The following MRPL1 variants were observed in gnomAD, a reference collection of about 807,000 sequenced individuals.
The protein encoded by MRPL1 is mitochondrial ribosomal protein L1.
Under a neutral mutation model 38.0 loss-of-function variants are expected in MRPL1, and 28 were observed. The ratio of observed to expected loss-of-function variants is 0.74; its 90% confidence interval spans 0.55 to 1.01. The LOEUF is 1.01. Among genes scored for constraint, MRPL1 ranks in the 50% least tolerant of loss-of-function variants. MRPL1 has a pLI of 0.00. For missense variants in MRPL1, 358 were observed against 389.8 expected, an observed-to-expected ratio of 0.92 and a Z score of 0.69; for synonymous variants, 123 against 126.7, an observed-to-expected ratio of 0.97 and a Z score of 0.20.
In MRPL1 at chr4:77,883,221, TC is replaced by T. The variant is rs746202318; in HGVS notation, c.144-20del. The T allele has an allele frequency of 1.4e-6, 2 of 1,472,744 alleles. No individual in the cohort carries two copies. Among genetic ancestry groups the T allele is most frequent in the Admixed American group, 2.3e-5 (1 of 43,230 alleles). 91.2% of individuals were successfully genotyped at this position (1,472,744 alleles called of 1,614,324 possible). ...CTCTTAGGATATATATTGATATAAC[TC>T]AACTTTATTTTCTTTTAAGGTCTGC... On this transcript the variant is annotated intron_variant, in intron 2 of 8. Coordinates refer to ENST00000315567, the MANE Select transcript of MRPL1 (RefSeq NM_020236.4).
chr4:77,887,393 T>C, intron 5 of MRPL1, 102 bp downstream of exon 5: 1 of 997,614 alleles, frequency 1.0e-6, no homozygotes, highest in Non-Finnish European at 1.5e-6. Flanking sequence ...TATCTTATGA[T>C]AAATAGTTAA....
intron 7 of MRPL1, among the ~76,000 whole-genome samples, chr4:77,922,882 G>T (rs1736611431): frequency 6.6e-6 from 1 of 152,204 alleles, no homozygotes; most frequent in Non-Finnish European, 1.5e-5. Context: ...ATGGAACTGT[G>T]TAATAGGTCA....
At position 77,952,603 on chromosome 4, in the gene MRPL1, C is replaced by A; in HGVS notation, c.974C>A (p.Ala325Asp). ...AATGAAGAAAGTGAAAAAGAAGATG[C>A]CTAAATGTGGTGAATTGTGAAATTA... ...VKNEESEKED[A>D] Residue 325 changes from alanine to aspartate, a missense_variant, in exon 9 of 9, where the codon GCC (alanine) becomes GAC (aspartate). Coordinates refer to ENST00000315567, the MANE Select transcript of MRPL1 (RefSeq NM_020236.4). The A allele has an allele frequency of 6.3e-7, 1 of 1,575,616 alleles. No homozygotes were observed. Among genetic ancestry groups the A allele is most frequent in the Non-Finnish European group, 8.7e-7 (1 of 1,147,178 alleles).
rs1056613469 is a variant in MRPL1, at chr4:77,907,299, T to C, written c.671-1967T>C. 7 of 481,308 alleles carry C rather than the reference T, an allele frequency of 1.5e-5. No homozygotes were observed. The African/African-American group carries it at 1.5e-4, about 10-fold the overall frequency. 29.8% of individuals were successfully genotyped at this position (481,308 alleles called of 1,614,324 possible). A position where few individuals can be genotyped will look rare whatever the true frequency, so the allele number is the denominator to read the frequency against. ...TGACTAAATCTTAGGAGAGAAATAG[T>C]TTATTTTGTAGTCTCCTGTATGATC... On this transcript the variant is annotated intron_variant, in intron 6 of 8. Transcript: ENST00000315567.
intron 1 of MRPL1, among the ~76,000 whole-genome samples, chr4:77,863,692 C>G (rs892306900): frequency 1.2e-4 from 19 of 152,086 alleles, no homozygotes; most frequent in Non-Finnish European, 1.5e-5. Context: ...GTCTTGCACT[C>G]CTAATCGCAG....
chr4:77,867,052 G>A (rs1214470025), intron 1 of MRPL1, among the ~76,000 whole-genome samples: 2 of 151,930 alleles, frequency 1.3e-5, no homozygotes, highest in Non-Finnish European at 2.9e-5. Flanking sequence ...GGCCTCAAAT[G>A]TCACCCTTTT....
At chr4:77,875,314 G>T (rs117883465) in intron 2 of MRPL1, among the ~76,000 whole-genome samples, 2,124 of 152,220 alleles carry the variant, frequency 0.014, 23 homozygotes, top group Non-Finnish European at 0.022. Context: ...TGTCAATTCT[G>T]TCTGGGGAAG....
chr4:77,928,718 G>T (rs900661354), intron 7 of MRPL1, among the ~76,000 whole-genome samples: 2 of 152,028 alleles, frequency 1.3e-5, no homozygotes, highest in Admixed American at 6.5e-5. Flanking sequence ...TATAAGAGAA[G>T]TATATTTAGT....
chr4:77,905,307 G>A (rs1336045037), intron 6 of MRPL1, among the ~76,000 whole-genome samples: 2 of 151,922 alleles, frequency 1.3e-5, no homozygotes, highest in East Asian at 3.9e-4. Context: ...GACCAGCCTG[G>A]CCAACCTGGT....
rs527943784 is a variant in MRPL1 at position 77,876,953 on chromosome 4, T to C, written c.143+5098T>C. On this transcript the variant is annotated intron_variant, in intron 2 of 8. Coordinates refer to ENST00000315567, the MANE Select transcript of MRPL1 (RefSeq NM_020236.4). ...TTTGCTCTTTTTGCCCAGGCTGGAA[T>C]GCAATGGCGTGATCTTGGCTTACTG... 2.6e-5 allele frequency among the ~76,000 whole-genome samples: 4 copies of C among 152,346 alleles called. No individual in the cohort carries two copies. In the South Asian group the frequency reaches 8.3e-4, roughly 32 times the overall value.
chr4:77,887,536 CTG>C (rs1735709260), intron 5 of MRPL1, among the ~76,000 whole-genome samples: 1 of 151,576 alleles, frequency 6.6e-6, no homozygotes, highest in Non-Finnish European at 1.5e-5. Context: ...GTGTGTTTGT[CTG>C]TGTTTGAGAC....
chr4:77,870,103 A>G (rs1436836627), intron 1 of MRPL1, among the ~76,000 whole-genome samples: 1 of 152,102 alleles, frequency 6.6e-6, no homozygotes, highest in Non-Finnish European at 1.5e-5. Context: ...TCTATTGCCC[A>G]GGCTGGGCTC....
chr4:77,926,689 A>T (rs1172331635), intron 7 of MRPL1, among the ~76,000 whole-genome samples: 1 of 151,170 alleles, frequency 6.6e-6, no homozygotes, highest in Non-Finnish European at 1.5e-5. Flanking sequence ...GCTCACCGCA[A>T]CCTCTGCCTC....
At chr4:77,936,708 T>A (rs1736989758) in intron 7 of MRPL1, among the ~76,000 whole-genome samples, 1 of 152,220 alleles carries the variant, frequency 6.6e-6, no homozygotes, top group Admixed American at 6.6e-5. Flanking sequence ...ACTAAGAAAG[T>A]ATGCCAAGTC....
chr4:77,918,707 AC>A (rs1348345093), intron 7 of MRPL1, among the ~76,000 whole-genome samples: 5 of 152,220 alleles, frequency 3.3e-5, no homozygotes, highest in African/African-American at 1.2e-4. Context: ...GTTTTGCCAT[AC>A]CTGAGGAAGA....
At chr4:77,884,989 T>C (rs187423610) in intron 3 of MRPL1, among the ~76,000 whole-genome samples, 1 of 152,218 alleles carries the variant, frequency 6.6e-6, no homozygotes, top group Non-Finnish European at 1.5e-5. Flanking sequence ...ATTATGAAGC[T>C]GGAAAAAGAG....
chr4:77,914,732 T>C (rs1366091063), intron 7 of MRPL1, among the ~76,000 whole-genome samples: 1 of 152,106 alleles, frequency 6.6e-6, no homozygotes, highest in African/African-American at 2.4e-5. Flanking sequence ...TGTGTGTGTC[T>C]GTAGCCAATA....
At position 77,883,164 on chromosome 4, in the gene MRPL1, T is replaced by C. The variant is rs1578041301; in HGVS notation, c.144-78T>C. On this transcript the variant is annotated intron_variant, in intron 2 of 8. Coordinates refer to ENST00000315567, the MANE Select transcript of MRPL1 (RefSeq NM_020236.4). The stretch of plus-strand genomic sequence containing the variant: ...AATTCATCCTTTGTTTTTTTTTCTC[T>C]TATGTACACTGGCTTTTTTTTTAAA... The C allele has an allele frequency of 4.2e-6, 4 of 941,730 alleles. No homozygotes were observed. The East Asian group carries it at 1.1e-4, about 26-fold the overall frequency. 58.3% of individuals were successfully genotyped at this position (941,730 alleles called of 1,614,324 possible).
At chr4:77,893,969 G>C (rs1190046792) in intron 5 of MRPL1, among the ~76,000 whole-genome samples, 170 bp from the exon 6 acceptor site, 1 of 151,844 alleles carries the variant, frequency 6.6e-6, no homozygotes, top group Non-Finnish European at 1.5e-5. Context: ...TTTTACTTCT[G>C]ATGGTTTTTA....
Sources: allele counts gnomAD v4.1 joint callset (sites outside exome capture counted in the v4.1 genomes callset), GRCh38; gene constraint gnomAD v4.1.1; transcripts MANE v1.5; gene names NCBI Gene and HGNC (gene_info 2026-07-23, HGNC 2026-07-21).